CPEB3: variants seen among roughly 807,000 people sequenced by gnomAD.
The protein encoded by CPEB3 is cytoplasmic polyadenylation element binding protein 3, also known as cytoplasmic polyadenylation element-binding protein 3.
Under a neutral mutation model 67.2 loss-of-function variants are expected in CPEB3, and 20 were observed. The ratio of observed to expected loss-of-function variants is 0.30; its 90% CI spans 0.21 to 0.43. The LOEUF is 0.43. Ranked by LOEUF, CPEB3 falls within the 20% of genes least tolerant of loss-of-function variation. CPEB3 has a pLI of 1.00. For synonymous variants in CPEB3, 376 were observed against 393.1 expected, an observed-to-expected ratio of 0.96 and a Z score of 0.51; for missense variants, 746 against 968.6, an observed-to-expected ratio of 0.77 and a Z score of 3.05.
chr10:92,125,375 A>G (rs562027843), intron 6 of CPEB3, among the ~76,000 whole-genome samples: 1 of 152,284 alleles, frequency 6.6e-6, no homozygotes, highest in South Asian at 2.1e-4. Context: ...CATGTACAAC[A>G]TCTGTAGCTG....
intron 2 of CPEB3, among the ~76,000 whole-genome samples, chr10:92,212,146 G>T (rs1252372183): frequency 3.3e-5 from 5 of 151,450 alleles, no homozygotes; most frequent in African/African-American, 1.2e-4. Context: ...CTCCCAAAGT[G>T]CCAGGATTAT....
At chr10:92,269,254 G>GA (rs1368629285) in intron 1 of CPEB3, among the ~76,000 whole-genome samples, 1 of 152,004 alleles carries the variant, frequency 6.6e-6, no homozygotes, top group Non-Finnish European at 1.5e-5. Flanking sequence ...GATTTGGGCT[G>GA]AAACACCACA....
intron 1 of CPEB3, among the ~76,000 whole-genome samples, chr10:92,277,124 T>C (rs564327160): frequency 1.3e-5 from 2 of 152,322 alleles, no homozygotes; most frequent in Admixed American, 1.3e-4. Context: ...GTATTATCCT[T>C]TCCAGCAAAA....
At chr10:92,261,977 T>C (rs1852822304) in intron 1 of CPEB3, among the ~76,000 whole-genome samples, 1 of 152,248 alleles carries the variant, frequency 6.6e-6, no homozygotes, top group Non-Finnish European at 1.5e-5. Flanking sequence ...ATATGTGTTA[T>C]TTCTGTCTTG....
At chr10:92,096,589 A>G (rs1843890202) in intron 7 of CPEB3, among the ~76,000 whole-genome samples, 1 of 152,146 alleles carries the variant, frequency 6.6e-6, no homozygotes, top group African/African-American at 2.4e-5. Context: ...TTATCCTGAC[A>G]TGATTCCAGC....
At chr10:92,144,687 T>C (rs541594889) in intron 5 of CPEB3, among the ~76,000 whole-genome samples, 1 of 152,328 alleles carries the variant, frequency 6.6e-6, no homozygotes, top group Non-Finnish European at 1.5e-5. Context: ...ATTATTTCTC[T>C]CTGATCCTCA....
At chr10:92,072,932 G>T (rs1450722832) in intron 9 of CPEB3, among the ~76,000 whole-genome samples, 2 of 151,068 alleles carry the variant, frequency 1.3e-5, no homozygotes, top group Non-Finnish European at 2.9e-5. Flanking sequence ...TTACCAATCA[G>T]CCAATAACTA....
At chr10:92,266,807 G>A (rs1026481511) in intron 1 of CPEB3, among the ~76,000 whole-genome samples, 13 of 152,114 alleles carry the variant, frequency 8.5e-5, no homozygotes, top group African/African-American at 2.9e-4. Flanking sequence ...GCTGAGGTGG[G>A]CAGATCACCT....
At chr10:92,156,779 T>C (rs925128030) in intron 4 of CPEB3, among the ~76,000 whole-genome samples, 2 of 152,186 alleles carry the variant, frequency 1.3e-5, no homozygotes, top group Non-Finnish European at 2.9e-5. Flanking sequence ...ACACAAACGT[T>C]TTTACACATG....
chr10:92,272,824 T>C (rs981625626), intron 1 of CPEB3, among the ~76,000 whole-genome samples: 1 of 152,180 alleles, frequency 6.6e-6, no homozygotes, highest in African/African-American at 2.4e-5. Flanking sequence ...TTTAATCAGG[T>C]GAGTAACGTG....
intron 2 of CPEB3, among the ~76,000 whole-genome samples, chr10:92,193,861 ATC>A (rs1200352242): frequency 6.6e-6 from 1 of 150,664 alleles, no homozygotes; most frequent in Non-Finnish European, 1.5e-5. Context: ...CAGTGGCGCA[ATC>A]TTGGCTCACT....
At chr10:92,119,296 T>G in intron 6 of CPEB3, 2 of 1,491,076 alleles carry the variant, frequency 1.3e-6, no homozygotes, top group Non-Finnish European at 1.9e-6. Context: ...TCAGATCCCC[T>G]TGGAGCAGTA....
intron 3 of CPEB3, among the ~76,000 whole-genome samples, chr10:92,192,204 G>A (rs1459844268): frequency 6.6e-6 from 1 of 152,090 alleles, no homozygotes; most frequent in Non-Finnish European, 1.5e-5. Flanking sequence ...AGAAAACCTG[G>A]CTGCTGGTCT....
intron 1 of CPEB3, among the ~76,000 whole-genome samples, chr10:92,258,159 G>A (rs1184975336): frequency 2.0e-5 from 3 of 149,978 alleles, no homozygotes; most frequent in Non-Finnish European, 4.4e-5. Context: ...GTGCAATGGT[G>A]TACCATCTCG....
At chr10:92,280,550 C>T (rs1053341760) in intron 1 of CPEB3, among the ~76,000 whole-genome samples, 16 of 149,694 alleles carry the variant, frequency 1.1e-4, no homozygotes, top group Admixed American at 3.3e-4. Flanking sequence ...GCAAAACCCT[C>T]GTCTCTACAA....
intron 2 of CPEB3, among the ~76,000 whole-genome samples, chr10:92,199,188 T>TCAAA (rs1849384951): frequency 6.6e-6 from 1 of 150,656 alleles, no homozygotes; most frequent in East Asian, 2.0e-4. Context: ...GGTCGGGAGT[T>TCAAA]CGAGACCAGC....
intron 1 of CPEB3, among the ~76,000 whole-genome samples, chr10:92,283,271 C>A (rs1842376569): frequency 6.6e-6 from 1 of 151,762 alleles, no homozygotes; most frequent in South Asian, 2.1e-4. Flanking sequence ...AAATAAAAAT[C>A]CCCTAAATCA....
At chr10:92,083,330 T>C (rs1259030083) in intron 8 of CPEB3, among the ~76,000 whole-genome samples, 2 of 152,236 alleles carry the variant, frequency 1.3e-5, no homozygotes, top group African/African-American at 4.8e-5. Context: ...CTAAGCCATA[T>C]CAGCCAAGGG....
chr10:92,287,279 C>T (rs192037689), intron 1 of CPEB3, among the ~76,000 whole-genome samples: 22 of 152,186 alleles, frequency 1.4e-4, no homozygotes, highest in Non-Finnish European at 2.6e-4. Flanking sequence ...CAGGTATGCG[C>T]CACTATCATA....
Sources: allele counts gnomAD v4.1 joint callset (sites outside exome capture counted in the v4.1 genomes callset), GRCh38; gene constraint gnomAD v4.1.1; transcripts MANE v1.5; gene names NCBI Gene and HGNC (gene_info 2026-07-23, HGNC 2026-07-21).